The following APP variants were observed in gnomAD, a reference collection of about 807,000 sequenced individuals.
APP encodes amyloid beta precursor protein.
A neutral mutation model predicts 101.4 loss-of-function variants in APP; 31 were observed. The observed-to-expected ratio is 0.31, with a 90% CI of 0.23 to 0.41. The LOEUF (loss-of-function observed/expected upper bound fraction) is 0.41. Among genes scored for constraint, APP ranks in the 10% least tolerant of loss-of-function variants. APP has a pLI of 1.00. For synonymous variants in APP, 366 were observed against 364.4 expected (o/e 1.00, Z -0.05); for missense variants, 839 against 1,003.7 (o/e 0.84, Z 2.22).
At chr21:26,139,558 C>A (rs2062995732) in intron 1 of APP, among the ~76,000 whole-genome samples, 1 of 152,066 alleles carries the variant, frequency 6.6e-6, no homozygotes, top group Non-Finnish European at 1.5e-5. Context: ...GATTTTGAAA[C>A]CAGTCACAAT....
In APP at chr21:25,953,660, G is replaced by A. The variant is rs116305253; in HGVS notation, c.1687+930C>T. Among the ~76,000 whole-genome samples the A allele has an allele frequency of 3.0e-3, 451 of 152,294 alleles. 1 individual carries two copies. The highest frequency in any genetic ancestry group is 0.01 in the African/African-American group (436 of 41,564). On this transcript the variant is annotated intron_variant, in intron 13 of 17. Coordinates refer to ENST00000346798, the MANE Select transcript of APP (RefSeq NM_000484.4). Reference sequence around the variant, plus strand: ...GGTACATATGCTTATATTGAAAGATGCACCAACATAATCGTCATCTATGTA... The same window carrying A: ...GGTACATATGCTTATATTGAAAGATACACCAACATAATCGTCATCTATGTA...
intron 4 of APP, among the ~76,000 whole-genome samples, chr21:26,052,503 G>T (rs1435897168): frequency 6.6e-6 from 1 of 152,102 alleles, no homozygotes; most frequent in Non-Finnish European, 1.5e-5. Flanking sequence ...CTATCAAGGG[G>T]ACACAGCAGC....
chr21:26,011,049 G>A (rs570187058), intron 6 of APP, among the ~76,000 whole-genome samples: 1 of 151,740 alleles, frequency 6.6e-6, no homozygotes, highest in Non-Finnish European at 1.5e-5. Context: ...AGTATTGCAC[G>A]GGTATTTCTC....
chr21:26,019,388 C>A (rs1436319387), intron 6 of APP, among the ~76,000 whole-genome samples: 1 of 152,150 alleles, frequency 6.6e-6, no homozygotes, highest in Non-Finnish European at 1.5e-5. Flanking sequence ...CTGGTAGACA[C>A]ACCACCCACC....
intron 16 of APP, among the ~76,000 whole-genome samples, chr21:25,894,923 C>A (rs1291034486): frequency 6.6e-6 from 1 of 152,122 alleles, no homozygotes; most frequent in African/African-American, 2.4e-5. Flanking sequence ...TCATTATTGT[C>A]TTATTTTAGG....
At chr21:25,902,858 T>C (rs920480743) in intron 15 of APP, among the ~76,000 whole-genome samples, 2 of 152,240 alleles carry the variant, frequency 1.3e-5, no homozygotes, top group African/African-American at 4.8e-5. Flanking sequence ...TACCGTTTAA[T>C]TTCTTTCAAA....
intron 1 of APP, among the ~76,000 whole-genome samples, chr21:26,130,467 G>A (rs927208698): frequency 6.6e-6 from 1 of 152,238 alleles, no homozygotes; most frequent in Non-Finnish European, 1.5e-5. Flanking sequence ...AAGGAGACAG[G>A]CTTGGCCATG....
At chr21:26,155,002 G>A (rs770223416) in intron 1 of APP, among the ~76,000 whole-genome samples, 5 of 152,082 alleles carry the variant, frequency 3.3e-5, no homozygotes, top group African/African-American at 9.7e-5. Flanking sequence ...CTGTAATCCC[G>A]GCACTTTGGG....
chr21:25,893,743 T>C (rs1782974), intron 16 of APP, among the ~76,000 whole-genome samples: 122,795 of 152,238 alleles, frequency 0.81, 49,660 homozygotes, highest in African/African-American at 0.86. Context: ...AAGTGCAAGG[T>C]GAAGCAGCAA....
intron 13 of APP, among the ~76,000 whole-genome samples, chr21:25,914,799 C>T (rs566503827): frequency 4.6e-5 from 7 of 152,236 alleles, no homozygotes; most frequent in Admixed American, 6.5e-5. Flanking sequence ...GTGATCCGCC[C>T]GCCTCGGCTT....
intron 2 of APP, among the ~76,000 whole-genome samples, chr21:26,109,127 C>G (rs192096269): frequency 6.6e-6 from 1 of 152,252 alleles, no homozygotes; most frequent in Admixed American, 6.5e-5. Context: ...AGGAAGGTGA[C>G]AGCAAAGGGC....
At chr21:26,067,158 C>G (rs2046487258) in intron 3 of APP, among the ~76,000 whole-genome samples, 1 of 152,126 alleles carries the variant, frequency 6.6e-6, no homozygotes, top group Admixed American at 6.6e-5. Context: ...TAAAAAGAAA[C>G]AGGTAAAATT....
chr21:26,054,645 T>TA (rs147958738), intron 3 of APP, among the ~76,000 whole-genome samples: 9,380 of 140,714 alleles, frequency 0.067, 485 homozygotes, highest in East Asian at 0.14. Flanking sequence ...TTTTTTTTTT[T>TA]AAGATAGACT....
chr21:25,898,417 CAG>C (rs1045673533), intron 15 of APP, among the ~76,000 whole-genome samples: 7 of 152,214 alleles, frequency 4.6e-5, no homozygotes, highest in East Asian at 3.9e-4. Flanking sequence ...AAACAAAATG[CAG>C]AGTCATTTAA....
At chr21:26,122,580 G>A (rs1349394721) in intron 1 of APP, among the ~76,000 whole-genome samples, 7 of 151,956 alleles carry the variant, frequency 4.6e-5, no homozygotes, top group Admixed American at 1.3e-4. Context: ...CAAGTGAGTC[G>A]GCCTGCCGTT....
chr21:26,130,366 T>C (rs1275362516), intron 1 of APP, among the ~76,000 whole-genome samples: 1 of 152,252 alleles, frequency 6.6e-6, no homozygotes, highest in Non-Finnish European at 1.5e-5. Context: ...CAAGCTTCTA[T>C]AGTGTCTCTC....
At chr21:25,989,161 A>C (rs1203225490) in intron 8 of APP, among the ~76,000 whole-genome samples, 1 of 152,216 alleles carries the variant, frequency 6.6e-6, no homozygotes, top group Non-Finnish European at 1.5e-5. Flanking sequence ...TTTGAAGGGA[A>C]GTTACTTTAA....
At chr21:26,116,821 T>A (rs932806703) in intron 1 of APP, among the ~76,000 whole-genome samples, 6 of 152,226 alleles carry the variant, frequency 3.9e-5, no homozygotes, top group African/African-American at 7.2e-5. Context: ...TGGCCTCATA[T>A]AATGAAGTAT....
intron 3 of APP, among the ~76,000 whole-genome samples, chr21:26,075,880 A>ATATT (rs1254623635): frequency 6.6e-6 from 1 of 152,030 alleles, no homozygotes; most frequent in South Asian, 2.1e-4. Flanking sequence ...CCCCATGAAT[A>ATATT]TATTTATTTA....
Sources: allele counts gnomAD v4.1 joint callset (sites outside exome capture counted in the v4.1 genomes callset), GRCh38; gene constraint gnomAD v4.1.1; transcripts MANE v1.5; gene names NCBI Gene and HGNC (gene_info 2026-07-23, HGNC 2026-07-21).